Variants in LRRK1 observed in about 807,000 individuals in gnomAD.
The protein encoded by LRRK1 is leucine-rich repeat serine/threonine-protein kinase 1.
In LRRK1, 113 loss-of-function variants were observed where a neutral mutation model predicts 209.1. That is an observed-to-expected ratio of 0.54 (90% CI 0.46 to 0.63). The LOEUF (loss-of-function observed/expected upper bound fraction) is 0.63, where lower values mean the gene tolerates loss of function less well. Ranked by LOEUF, LRRK1 falls within the 30% of genes least tolerant of loss-of-function variation. LRRK1 has a pLI of 0.00. For synonymous variants in LRRK1, 1,144 were observed against 1,099.7 expected (o/e 1.04, Z -0.80); for missense variants, 2,284 against 2,632.2 (o/e 0.87, Z 2.89).
At chr15:100,976,152 C>G (rs2031279730) in intron 3 of LRRK1, among the ~76,000 whole-genome samples, 1 of 151,760 alleles carries the variant, frequency 6.6e-6, no homozygotes, top group African/African-American at 2.4e-5. Flanking sequence ...GTCTTTCAAC[C>G]ATGAAGGAAA....
At chr15:101,036,376 G>A (rs1315719033) in intron 20 of LRRK1, among the ~76,000 whole-genome samples, 1 of 151,786 alleles carries the variant, frequency 6.6e-6, no homozygotes, top group South Asian at 2.1e-4. Flanking sequence ...GCTTGATCTA[G>A]CCTATTGTTG....
At chr15:100,928,472 G>C (rs1567183359) in intron 2 of LRRK1, among the ~76,000 whole-genome samples, 1 of 152,152 alleles carries the variant, frequency 6.6e-6, no homozygotes, top group African/African-American at 2.4e-5. Flanking sequence ...CACTGTTCAG[G>C]CCTAATTTCC....
chr15:100,941,845 G>A (rs981263599), intron 2 of LRRK1, among the ~76,000 whole-genome samples: 1 of 152,018 alleles, frequency 6.6e-6, no homozygotes, highest in African/African-American at 2.4e-5. Flanking sequence ...AGGCTGCCTG[G>A]CACAAGCTGG....
At chr15:100,932,275 AG>A (rs2141599101) in intron 2 of LRRK1, among the ~76,000 whole-genome samples, 1 of 152,240 alleles carries the variant, frequency 6.6e-6, no homozygotes, top group Non-Finnish European at 1.5e-5. Flanking sequence ...CGTGAGCCAC[AG>A]CACCTGGCCT....
In LRRK1 at chr15:100,924,557, A is replaced by G. The variant is rs2141591005; in HGVS notation, c.-76A>G. On this transcript the variant is annotated 5_prime_UTR_variant, in exon 2 of 34. The change abolishes an upstream ATG in the 5' untranslated region. Transcript: ENST00000388948. ...GCCATGGCTACGAGTCCACGCCTTAATGCACCCCACAGCCAGCGGCAGTGG... is the reference window on the plus strand; with the variant it reads ...GCCATGGCTACGAGTCCACGCCTTAGTGCACCCCACAGCCAGCGGCAGTGG... 2 of 1,330,880 alleles carry G rather than the reference A, an allele frequency of 1.5e-6. No individual in the cohort carries two copies. Among genetic ancestry groups the G allele is most frequent in the East Asian group, 4.6e-5 (2 of 43,266 alleles). The allele number at this position is 1,330,880 out of a possible 1,614,324, so 82.4% of individuals were successfully genotyped here.
At chr15:101,052,100 C>A in intron 24 of LRRK1, 140 bp downstream of exon 24, 1 of 994,446 alleles carries the variant, frequency 1.0e-6, no homozygotes, top group Non-Finnish European at 1.5e-6. Flanking sequence ...AATCTCAGTA[C>A]CTTTTAGGTT....
chr15:101,066,161 G>C lies in LRRK1; in HGVS notation c.5724G>C (p.Gln1908His). ...GGGAGACCTTCAGCCAGCACCTGCA[G>C]GCCGTGAAGATCCTCGCCGTCAGAG... ...MDGETFSQHLQAVKILAVRDL... is the reference protein window; with the variant it reads ...MDGETFSQHLHAVKILAVRDL... The change falls in exon 32 of 34, where the codon CAG becomes CAC. Residue 1908 changes from glutamine (Q) to histidine (H), a missense_variant. Transcript: ENST00000388948. 6.2e-7 allele frequency: 1 copy of C among 1,613,458 alleles called. No individual in the cohort carries two copies. Among genetic ancestry groups the C allele is most frequent in the Non-Finnish European group, 8.5e-7 (1 of 1,179,640 alleles).
At chr15:100,946,209 A>G (rs2042537062) in intron 2 of LRRK1, among the ~76,000 whole-genome samples, 1 of 152,238 alleles carries the variant, frequency 6.6e-6, no homozygotes, top group South Asian at 2.1e-4. Context: ...CAATTAGAAT[A>G]CAAACAGGAT....
intron 2 of LRRK1, among the ~76,000 whole-genome samples, chr15:100,928,285 G>A (rs977818119): frequency 2.0e-4 from 30 of 152,248 alleles, no homozygotes; most frequent in Admixed American, 8.5e-4. Flanking sequence ...GAATAAATGC[G>A]GAATACTTGA....
At chr15:101,041,704 T>C (rs554920808) in intron 20 of LRRK1, among the ~76,000 whole-genome samples, 3 of 152,328 alleles carry the variant, frequency 2.0e-5, no homozygotes, top group African/African-American at 7.2e-5. Flanking sequence ...TTCTATACAG[T>C]AGTCCCCCTT....
chr15:100,967,188 G>C (rs2030518415), intron 2 of LRRK1, among the ~76,000 whole-genome samples: 1 of 152,182 alleles, frequency 6.6e-6, no homozygotes, highest in Admixed American at 6.5e-5. Flanking sequence ...ACATGTCCCA[G>C]GGGCTCTGCC....
intron 3 of LRRK1, among the ~76,000 whole-genome samples, chr15:100,976,627 G>C (rs11630207): frequency 0.049 from 7,395 of 152,248 alleles, 234 homozygotes; most frequent in African/African-American, 0.086. Flanking sequence ...GAAAATGCTT[G>C]TCAAATTTTC....
Position 101,049,210 on chromosome 15 carries a change from C to CA in LRRK1, c.3300-430dup, listed in dbSNP as rs1359161548. On this transcript the variant is annotated intron_variant, in intron 22 of 33. Coordinates refer to ENST00000388948, the MANE Select transcript of LRRK1 (RefSeq NM_024652.6). ...ATTTTAATGTTTACAATGAACTTTG[C>CA]AAAATATTCTTCAGCTCTGTGAGAG... Among the ~76,000 whole-genome samples, 4 of 152,278 alleles carry CA rather than the reference C, an allele frequency of 2.6e-5. No individual in the cohort carries two copies. In the South Asian group the frequency reaches 8.3e-4, roughly 32 times the overall value.
rs563629391 is a variant in LRRK1, at chr15:100,932,089, G to C, written c.97+7360G>C. ...CAACCTCCACCTCCAGGGTTCAAGC[G>C]ATTCTCCTGCCTCAGCCTCCTGAGT... On this transcript the variant is annotated intron_variant, in intron 2 of 33. Transcript: ENST00000388948. 3.9e-5 allele frequency among the ~76,000 whole-genome samples: 6 copies of C among 152,268 alleles called. No individual in the cohort carries two copies. The South Asian group carries it at 1.2e-3, about 32-fold the overall frequency.
chr15:101,055,097 C>T lies in LRRK1; in HGVS notation c.4206C>T (p.His1402=). 1 of 1,614,150 alleles carries T rather than the reference C, an allele frequency of 6.2e-7. No homozygotes were observed. The highest frequency in any genetic ancestry group is 8.5e-7 in the Non-Finnish European group (1 of 1,180,010). The change falls in exon 27 of 34, where the codon CAC becomes CAT. Residue 1402 remains histidine, a synonymous_variant. Transcript: ENST00000388948. ...ILVWSLDVKE[H]INIKLSDYGI... Reference sequence around the variant, plus strand: ...TGTGGTCCCTTGACGTCAAGGAGCACATCAACATCAAGCTATCTGACTACG... The same window carrying T: ...TGTGGTCCCTTGACGTCAAGGAGCATATCAACATCAAGCTATCTGACTACG...
chr15:101,037,974 G>A (rs761417208), intron 20 of LRRK1, among the ~76,000 whole-genome samples: 21 of 152,116 alleles, frequency 1.4e-4, no homozygotes, highest in Non-Finnish European at 2.8e-4. Context: ...CATCCCAAAT[G>A]TGCATCAATC....
intron 20 of LRRK1, among the ~76,000 whole-genome samples, chr15:101,041,010 T>A (rs776477377): frequency 3.3e-5 from 5 of 152,260 alleles, no homozygotes; most frequent in African/African-American, 7.2e-5. Context: ...TGGTAAAATA[T>A]CTAATGATAA....
In LRRK1 at chr15:101,057,995, G is replaced by A. The variant is rs11857803; in HGVS notation, c.4533G>A (p.Pro1511=). Residue 1511 remains proline, a synonymous_variant, in exon 29 of 34, where the codon CCG becomes CCA. Transcript: ENST00000388948. Reference sequence around the variant, plus strand: ...TGGTGGCTTCTCTCCCTCAGCGACCGCTGGCCCTGTCGGTGGTGAGCCAGA... The same window carrying A: ...TGGTGGCTTCTCTCCCTCAGCGACCACTGGCCCTGTCGGTGGTGAGCCAGA... ...ECWDTKPEKR[P]LALSVVSQMK... 711,859 of 1,613,030 alleles carry A rather than the reference G, an allele frequency of 0.44. 161,390 individuals carry two copies. The highest frequency in any genetic ancestry group is 0.47 in the Non-Finnish European group (552,182 of 1,179,382).
chr15:100,999,382 A>G (rs1278134856), intron 6 of LRRK1, among the ~76,000 whole-genome samples: 1 of 152,262 alleles, frequency 6.6e-6, no homozygotes, highest in African/African-American at 2.4e-5. Flanking sequence ...AGAGAAGCTC[A>G]GTTTCCCTTT....
Sources: gnomAD v4.1 joint callset for allele counts (sites outside exome capture counted in the v4.1 genomes callset) on GRCh38, gnomAD v4.1.1 for gene constraint, MANE v1.5 for transcripts, NCBI Gene and HGNC (gene_info 2026-07-23, HGNC 2026-07-21) for gene names.